Variants in DOCK1 observed in about 807,000 individuals in gnomAD.
DOCK1 encodes dedicator of cytokinesis protein 1.
DOCK1 carries 138 observed loss-of-function variants against 262.7 expected under a neutral mutation model. The ratio of observed to expected loss-of-function variants is 0.53; its 90% confidence interval spans 0.46 to 0.61. The LOEUF (loss-of-function observed/expected upper bound fraction) is 0.61, where lower values mean the gene tolerates loss of function less well. DOCK1 is among the 20% of genes least tolerant of loss of function. The pLI, the probability that DOCK1 is intolerant of heterozygous loss-of-function variation, is 0.00. For missense variants in DOCK1, 1,908 were observed against 2,370.7 expected, an observed-to-expected ratio of 0.80 and a Z score of 4.05; for synonymous variants, 866 against 867.4, an observed-to-expected ratio of 1.00 and a Z score of 0.03.
At chr10:127,302,383 A>G (rs150690517) in intron 29 of DOCK1, among the ~76,000 whole-genome samples, 2 of 151,686 alleles carry the variant, frequency 1.3e-5, no homozygotes, top group Non-Finnish European at 2.9e-5. Flanking sequence ...CTGGGGGGCC[A>G]CTCCTGGGGC....
At chr10:127,042,759 T>A (rs748918283) in intron 20 of DOCK1, 45 bp downstream of exon 20, 1 of 1,588,272 alleles carries the variant, frequency 6.3e-7, no homozygotes. Flanking sequence ...CACAGCGTTC[T>A]TCCATGCTGC....
intron 2 of DOCK1, among the ~76,000 whole-genome samples, chr10:126,977,743 GC>G (rs1387759041): frequency 4.6e-5 from 7 of 152,132 alleles, no homozygotes; most frequent in Non-Finnish European, 1.0e-4. Flanking sequence ...TGTGAAGGTT[GC>G]CAGCTGGGCT....
At chr10:126,999,878 T>C (rs538614895) in intron 9 of DOCK1, among the ~76,000 whole-genome samples, 4 of 152,302 alleles carry the variant, frequency 2.6e-5, no homozygotes, top group East Asian at 3.9e-4. Flanking sequence ...GGTTTCCCCA[T>C]GTTGGCCAGG....
chr10:127,219,023 A>G (rs751381795), intron 27 of DOCK1, among the ~76,000 whole-genome samples: 2 of 152,178 alleles, frequency 1.3e-5, no homozygotes, highest in Admixed American at 6.5e-5. Context: ...TAAAGGATGC[A>G]CTTCTTAATA....
intron 45 of DOCK1, 63 bp downstream of exon 45, chr10:127,418,604 C>T (rs1027224001): frequency 5.9e-6 from 9 of 1,531,536 alleles, no homozygotes; most frequent in Middle Eastern, 2.0e-4. Context: ...TGAAAATTCC[C>T]GAGAGTCCCC....
intron 2 of DOCK1, among the ~76,000 whole-genome samples, chr10:126,974,941 T>G (rs1022960038): frequency 6.6e-6 from 1 of 152,122 alleles, no homozygotes; most frequent in Non-Finnish European, 1.5e-5. Context: ...CGACTGCCTA[T>G]GAACATTAAA....
At chr10:127,159,017 T>G (rs1564851939) in intron 27 of DOCK1, among the ~76,000 whole-genome samples, 1 of 152,070 alleles carries the variant, frequency 6.6e-6, no homozygotes, top group Admixed American at 6.6e-5. Flanking sequence ...TTTTGAACAC[T>G]CCTTGGTCAA....
intron 1 of DOCK1, among the ~76,000 whole-genome samples, chr10:126,926,351 G>A (rs1449866674): frequency 2.6e-5 from 4 of 151,504 alleles, no homozygotes; most frequent in East Asian, 1.9e-4. Context: ...AGGTACAAAC[G>A]TCAGTGTGAA....
chr10:127,047,838 A>G (rs2044450090), intron 21 of DOCK1, among the ~76,000 whole-genome samples: 1 of 152,194 alleles, frequency 6.6e-6, no homozygotes, highest in Admixed American at 6.5e-5. Context: ...ATCATTAAAT[A>G]TTTGATTTTG....
chr10:127,049,347 C>T (rs1484206558), intron 21 of DOCK1, among the ~76,000 whole-genome samples: 1 of 151,970 alleles, frequency 6.6e-6, no homozygotes, highest in Non-Finnish European at 1.5e-5. Context: ...ATGGTGAAAC[C>T]CCATCTCTAC....
chr10:127,062,588 C>T (rs141090265), intron 23 of DOCK1, among the ~76,000 whole-genome samples: 30 of 152,304 alleles, frequency 2.0e-4, no homozygotes, highest in African/African-American at 6.3e-4. Context: ...AGCCTGAACT[C>T]GAGGGAAAGG....
intron 33 of DOCK1, among the ~76,000 whole-genome samples, chr10:127,364,718 C>G (rs993233960): frequency 6.6e-6 from 1 of 152,054 alleles, no homozygotes; most frequent in Non-Finnish European, 1.5e-5. Flanking sequence ...TTATTCCAAC[C>G]GTGGACAGTA....
At chr10:127,011,166 C>G (rs1218810362) in intron 11 of DOCK1, among the ~76,000 whole-genome samples, 1 of 152,130 alleles carries the variant, frequency 6.6e-6, no homozygotes. Flanking sequence ...TAAAGGAAGA[C>G]TAATAGACAG....
chr10:127,047,550 C>T (rs1424329404), intron 21 of DOCK1, among the ~76,000 whole-genome samples: 3 of 152,188 alleles, frequency 2.0e-5, no homozygotes, highest in Non-Finnish European at 4.4e-5. Flanking sequence ...AATTTGCATA[C>T]AACAAAATGC....
intron 12 of DOCK1, among the ~76,000 whole-genome samples, chr10:127,013,113 G>C (rs1459684148): frequency 6.6e-6 from 1 of 152,146 alleles, no homozygotes; most frequent in African/African-American, 2.4e-5. Flanking sequence ...CATTTCCACT[G>C]TTCTAAAGGA....
intron 23 of DOCK1, among the ~76,000 whole-genome samples, chr10:127,102,559 G>C (rs554670925): frequency 6.6e-6 from 1 of 152,250 alleles, no homozygotes; most frequent in East Asian, 1.9e-4. Context: ...GCTGGACACA[G>C]TGGCTCACAC....
chr10:127,368,939 A>G (rs1388011302), intron 33 of DOCK1, among the ~76,000 whole-genome samples: 2 of 152,258 alleles, frequency 1.3e-5, no homozygotes, highest in Non-Finnish European at 2.9e-5. Flanking sequence ...ATGGAATGGA[A>G]AAAGCTGCCC....
At chr10:127,389,536 G>T (rs1422926653) in intron 38 of DOCK1, among the ~76,000 whole-genome samples, 1 of 152,176 alleles carries the variant, frequency 6.6e-6, no homozygotes, top group Non-Finnish European at 1.5e-5. Flanking sequence ...TTGAAGGAGG[G>T]CCTTGATTGG....
chr10:127,268,749 A>G (rs1211782966), intron 29 of DOCK1, among the ~76,000 whole-genome samples: 1 of 152,036 alleles, frequency 6.6e-6, no homozygotes, highest in Admixed American at 6.6e-5. Context: ...CAGGGGCTCC[A>G]GTGTCTTTGC....
Sources: allele counts gnomAD v4.1 joint callset (sites outside exome capture counted in the v4.1 genomes callset), GRCh38; gene constraint gnomAD v4.1.1; transcripts MANE v1.5; gene names NCBI Gene and HGNC (gene_info 2026-07-23, HGNC 2026-07-21).